The following RAP1A variants were observed in gnomAD, a reference collection of about 807,000 sequenced individuals.
RAP1A encodes the protein ras-related protein Rap-1A.
RAP1A carries 6 observed loss-of-function variants against 26.4 expected under a neutral mutation model. That is an observed-to-expected ratio of 0.23 (90% confidence interval 0.12 to 0.45). The LOEUF is 0.45. Among genes scored for constraint, RAP1A ranks in the 20% least tolerant of loss-of-function variants. RAP1A has a pLI of 0.99. For synonymous variants in RAP1A, 73 were observed against 79.4 expected, an observed-to-expected ratio of 0.92 and a Z score of 0.43; for missense variants, 121 against 217.2, an observed-to-expected ratio of 0.56 and a Z score of 2.78.
At chr1:111,543,580 A>C (rs1193036047) in intron 1 of RAP1A, among the ~76,000 whole-genome samples, 1 of 151,186 alleles carries the variant, frequency 6.6e-6, no homozygotes, top group East Asian at 1.9e-4. Context: ...TCCTCATTAA[A>C]AGATTAGGCC....
chr1:111,550,364 CT>C (rs1251693668), intron 1 of RAP1A, among the ~76,000 whole-genome samples: 1 of 151,852 alleles, frequency 6.6e-6, no homozygotes, highest in Non-Finnish European at 1.5e-5. Context: ...CTTCCTTTTT[CT>C]TGCTTTGGGT....
intron 1 of RAP1A, among the ~76,000 whole-genome samples, chr1:111,647,133 T>C (rs1217133003): frequency 6.6e-6 from 1 of 152,198 alleles, no homozygotes; most frequent in Non-Finnish European, 1.5e-5. Context: ...TGAGTGTTAC[T>C]GCCTGAGCCC....
At chr1:111,569,515 T>C (rs1658000078) in intron 1 of RAP1A, among the ~76,000 whole-genome samples, 1 of 152,048 alleles carries the variant, frequency 6.6e-6, no homozygotes, top group Admixed American at 6.5e-5. Context: ...TCAGCTGCTG[T>C]ACTGGGTGCA....
At chr1:111,631,644 A>G (rs759259772) in intron 1 of RAP1A, among the ~76,000 whole-genome samples, 1 of 152,226 alleles carries the variant, frequency 6.6e-6, no homozygotes, top group African/African-American at 2.4e-5. Context: ...ACATATTTGT[A>G]TCTTGCTTAA....
chr1:111,577,836 G>C (rs1011627997), intron 1 of RAP1A, among the ~76,000 whole-genome samples: 3 of 152,170 alleles, frequency 2.0e-5, no homozygotes, highest in African/African-American at 7.2e-5. Context: ...TATAAAGGCA[G>C]TTGGGGCTGT....
chr1:111,554,171 G>C (rs1218900422), intron 1 of RAP1A, among the ~76,000 whole-genome samples: 1 of 152,150 alleles, frequency 6.6e-6, no homozygotes, highest in South Asian at 2.1e-4. Flanking sequence ...TAATTATAAT[G>C]ATAATACCTA....
chr1:111,695,055 A>C (rs1243577036), intron 2 of RAP1A, among the ~76,000 whole-genome samples: 1 of 152,116 alleles, frequency 6.6e-6, no homozygotes, highest in East Asian at 1.9e-4. Flanking sequence ...TGTTTTAATT[A>C]GTTCAGATAT....
chr1:111,627,327 T>G (rs1246025681), intron 1 of RAP1A: 1 of 152,204 alleles, frequency 6.6e-6, no homozygotes, highest in East Asian at 1.9e-4. Context: ...TCATACTTTT[T>G]TTTCCTGAAT....
intron 4 of RAP1A, among the ~76,000 whole-genome samples, chr1:111,702,719 C>T (rs1662061938): frequency 6.7e-6 from 1 of 149,556 alleles, no homozygotes; most frequent in South Asian, 2.1e-4. Context: ...CACCACTACG[C>T]CCGGCTAATG....
chr1:111,668,225 C>G (rs1051203705), intron 1 of RAP1A, among the ~76,000 whole-genome samples: 10 of 152,188 alleles, frequency 6.6e-5, no homozygotes, highest in African/African-American at 2.4e-4. Flanking sequence ...ACTCCAGGCA[C>G]TTGCAGAAGC....
chr1:111,604,832 A>T (rs777132340), intron 1 of RAP1A: 2 of 151,828 alleles, frequency 1.3e-5, no homozygotes, highest in Admixed American at 6.6e-5. Context: ...GGGTCTGCTG[A>T]CTCTCTGATG....
chr1:111,655,096 C>T (rs1420730702), intron 1 of RAP1A, among the ~76,000 whole-genome samples: 1 of 151,944 alleles, frequency 6.6e-6, no homozygotes, highest in Non-Finnish European at 1.5e-5. Flanking sequence ...TTCTAAATTA[C>T]TCACAACAGA....
At chr1:111,554,995 T>G (rs1402019965) in intron 1 of RAP1A, among the ~76,000 whole-genome samples, 1 of 151,420 alleles carries the variant, frequency 6.6e-6, no homozygotes. Context: ...CTACAGAATA[T>G]TTTTTAAGTA....
chr1:111,636,101 G>A (rs1211465167), intron 1 of RAP1A, among the ~76,000 whole-genome samples: 1 of 152,006 alleles, frequency 6.6e-6, no homozygotes, highest in Non-Finnish European at 1.5e-5. Flanking sequence ...TTATAATCTG[G>A]TATAGGCAAA....
chr1:111,592,213 G>T (rs1658484606), intron 1 of RAP1A, among the ~76,000 whole-genome samples: 1 of 152,204 alleles, frequency 6.6e-6, no homozygotes, highest in Non-Finnish European at 1.5e-5. Flanking sequence ...GGCTTATAAT[G>T]CGAGCAGAAG....
intron 3 of RAP1A, among the ~76,000 whole-genome samples, chr1:111,696,800 A>G (rs1199883459): frequency 1.3e-5 from 2 of 152,186 alleles, no homozygotes; most frequent in Non-Finnish European, 2.9e-5. Context: ...TATAAGACCA[A>G]TGGGTAAATA....
intron 1 of RAP1A, among the ~76,000 whole-genome samples, chr1:111,580,825 C>T (rs1658241488): frequency 6.7e-6 from 1 of 150,290 alleles, no homozygotes; most frequent in East Asian, 2.0e-4. Flanking sequence ...CTAGCCTGGG[C>T]GGCAGAGCAA....
intron 2 of RAP1A, among the ~76,000 whole-genome samples, chr1:111,692,920 A>G (rs1661713076): frequency 6.6e-6 from 1 of 152,206 alleles, no homozygotes; most frequent in Non-Finnish European, 1.5e-5. Flanking sequence ...CTTAGTTATC[A>G]CTGCATAGCC....
At chr1:111,607,527 T>C (rs1475075702) in intron 1 of RAP1A, among the ~76,000 whole-genome samples, 6 of 152,042 alleles carry the variant, frequency 3.9e-5, no homozygotes, top group Non-Finnish European at 5.9e-5. Context: ...AGCTGTTGGG[T>C]ACACCTCCCA....
Sources: gnomAD v4.1 joint callset for allele counts (sites outside exome capture counted in the v4.1 genomes callset) on GRCh38, gnomAD v4.1.1 for gene constraint, MANE v1.5 for transcripts, NCBI Gene and HGNC (gene_info 2026-07-23, HGNC 2026-07-21) for gene names.